Variants in PAFAH1B2 observed in about 807,000 individuals in gnomAD.
PAFAH1B2 encodes the protein platelet activating factor acetylhydrolase 1b catalytic subunit 2, also known as platelet-activating factor acetylhydrolase IB subunit alpha2.
In PAFAH1B2, 8 loss-of-function variants were observed where a neutral mutation model predicts 28.0. The ratio of observed to expected loss-of-function variants is 0.29; its 90% CI spans 0.17 to 0.52. The LOEUF is 0.52. PAFAH1B2 is among the 20% of genes least tolerant of loss of function. The pLI is 0.97. For synonymous variants in PAFAH1B2, 104 were observed against 103.2 expected, an observed-to-expected ratio of 1.01 and a Z score of -0.05; for missense variants, 190 against 282.6, an observed-to-expected ratio of 0.67 and a Z score of 2.35.
Position 117,167,542 on chromosome 11 carries a change from G to A in PAFAH1B2, c.533G>A (p.Gly178Asp), listed in dbSNP as rs1956540153. 3.1e-6 allele frequency: 5 copies of A among 1,613,132 alleles called. No individual in the cohort carries two copies. The highest frequency in any genetic ancestry group is 4.2e-6 in the Non-Finnish European group (5 of 1,179,496). ...GTGCAGCTCCTGGATACCGACGGGGGTTTTGTGCACTCGGACGGTGCCATC... is the reference window on the plus strand; with the variant it reads ...GTGCAGCTCCTGGATACCGACGGGGATTTTGTGCACTCGGACGGTGCCATC... ...ANVQLLDTDG[G>D]FVHSDGAISC... is the part of the protein sequence containing the mutation. Residue 178 changes from glycine (G) to aspartate (D), a missense_variant, in exon 6 of 6, where the codon GGT (glycine) becomes GAT (aspartate). Transcript: ENST00000527958.
chr11:117,160,333 C>T (rs1956346149), intron 3 of PAFAH1B2, among the ~76,000 whole-genome samples: 1 of 151,990 alleles, frequency 6.6e-6, no homozygotes, highest in African/African-American at 2.4e-5. Context: ...TTAGTATTTC[C>T]TATTTGTATT....
intron 2 of PAFAH1B2, among the ~76,000 whole-genome samples, chr11:117,153,933 T>C (rs959311654): frequency 2.0e-5 from 3 of 151,690 alleles, no homozygotes; most frequent in Admixed American, 6.6e-5. Context: ...CTTTTCTTTT[T>C]TTTTTTTTAA....
rs530275241 is a variant in PAFAH1B2 at position 117,161,516 on chromosome 11, T to TG, written c.288+255_288+256insG. Reference sequence around the variant, plus strand: ...CTTTCTTAAGTTGAAGGAAGAGTTTTTTTTTTTTTTGAGATGGAGTCTTGC... The same window carrying TG: ...CTTTCTTAAGTTGAAGGAAGAGTTTTGTTTTTTTTTTGAGATGGAGTCTTGC... On this transcript the variant is annotated intron_variant, in intron 4 of 5. Coordinates refer to ENST00000527958, the MANE Select transcript of PAFAH1B2 (RefSeq NM_002572.4). Among the ~76,000 whole-genome samples the TG allele has an allele frequency of 6.6e-5, 10 of 151,628 alleles. No individual in the cohort carries two copies. In the South Asian group the frequency reaches 1.9e-3, roughly 29 times the overall value.
intron 3 of PAFAH1B2, among the ~76,000 whole-genome samples, chr11:117,160,889 A>C (rs566551588): frequency 6.6e-6 from 1 of 151,894 alleles, no homozygotes; most frequent in Non-Finnish European, 1.5e-5. Context: ...TTGAGTTGAC[A>C]GCTTAATTAT....
At chr11:117,159,144 G>T (rs1314754528) in intron 2 of PAFAH1B2, among the ~76,000 whole-genome samples, 1 of 152,144 alleles carries the variant, frequency 6.6e-6, no homozygotes, top group Admixed American at 6.5e-5. Flanking sequence ...TCAACTTTCT[G>T]TGTATCTACA....
chr11:117,177,939 A>G (rs935086895), downstream of PAFAH1B2, among the ~76,000 whole-genome samples: 5 of 152,126 alleles, frequency 3.3e-5, no homozygotes, highest in Admixed American at 1.3e-4. Context: ...CATTTAACCA[A>G]TCCCTCATTA....
Position 117,161,634 on chromosome 11 carries a change from G to A in PAFAH1B2, c.288+373G>A, listed in dbSNP as rs547292319. Among the ~76,000 whole-genome samples, 85 of 151,082 alleles carry A rather than the reference G, an allele frequency of 5.6e-4. 1 individual carries two copies. The highest frequency in any genetic ancestry group is 1.9e-3 in the African/African-American group (77 of 41,168). ...AGCGATTCTCCTGCCTCAGCCTCCC[G>A]AGTAGCTGGGATTACAGGCGCCGCC... On this transcript the variant is annotated intron_variant, in intron 4 of 5. Coordinates refer to ENST00000527958, the MANE Select transcript of PAFAH1B2 (RefSeq NM_002572.4).
intron 2 of PAFAH1B2, 64 bp from the exon 3 acceptor site, chr11:117,159,870 C>T (rs1277461337): frequency 1.7e-6 from 2 of 1,175,230 alleles, no homozygotes; most frequent in East Asian, 2.3e-5. Context: ...AGAGTTCAAG[C>T]ATGGGCCACC....
chr11:117,172,146 A>T (rs1956662455), downstream of PAFAH1B2, among the ~76,000 whole-genome samples: 1 of 152,058 alleles, frequency 6.6e-6, no homozygotes, highest in Non-Finnish European at 1.5e-5. Flanking sequence ...CAGCATCTGT[A>T]CTTGAGGGGA....
At chr11:117,164,786 A>G (rs10892080) in intron 5 of PAFAH1B2, among the ~76,000 whole-genome samples, 68,515 of 151,258 alleles carry the variant, frequency 0.45, 18,098 homozygotes, top group Non-Finnish European at 0.61. Context: ...CTGTAATCCC[A>G]GCACTTTGGG....
rs55659804 is a variant in PAFAH1B2, at chr11:117,168,446, G to GTTTCTTGTTT, written c.*750_*751insCTTGTTTTTT. 4.9e-6 allele frequency: 1 copy of GTTTCTTGTTT among 205,914 alleles called. No individual in the cohort carries two copies. Among genetic ancestry groups the GTTTCTTGTTT allele is most frequent in the Non-Finnish European group, 5.7e-6 (1 of 175,976 alleles). 12.8% of individuals were successfully genotyped at this position (205,914 alleles called of 1,614,324 possible). On this transcript the variant is annotated 3_prime_UTR_variant, in exon 6 of 6. Coordinates refer to ENST00000527958, the MANE Select transcript of PAFAH1B2 (RefSeq NM_002572.4). ...TCCCCTTCATTCCCCCCGCCACCCC[G>GTTTCTTGTTT]TTTTTTTTTTTTTTTTTTTTTTTTT...
At position 117,159,962 on chromosome 11, in the gene PAFAH1B2, A is replaced by G; in HGVS notation, c.110A>G (p.Asp37Gly). ...QHNRFVLDCKDKEPDVLFVGD... is the reference protein window; with the variant it reads ...QHNRFVLDCKGKEPDVLFVGD... ...AACAGATTTGTTTTGGACTGTAAAG[A>G]CAAAGAGCCTGATGTACTGTTCGTG... Residue 37 changes from aspartate (D) to glycine (G), a missense_variant, in exon 3 of 6, where the codon GAC becomes GGC. Asp to Gly is a moderately conservative substitution (Grantham distance 94, BLOSUM62 -1). Coordinates refer to ENST00000527958, the MANE Select transcript of PAFAH1B2 (RefSeq NM_002572.4). 1 of 1,613,950 alleles carries G rather than the reference A, an allele frequency of 6.2e-7. No homozygotes were observed. The highest frequency in any genetic ancestry group is 8.5e-7 in the Non-Finnish European group (1 of 1,179,880).
At chr11:117,175,874 C>T (rs910508953), downstream of PAFAH1B2, 2 of 1,532,544 alleles carry the variant, frequency 1.3e-6, no homozygotes, top group Non-Finnish European at 1.7e-6. Context: ...CCAGCCTGGG[C>T]AATGTATCAC....
intron 2 of PAFAH1B2, 111 bp downstream of exon 2, chr11:117,152,639 A>G (rs1002202200): frequency 7.2e-5 from 54 of 753,992 alleles, no homozygotes; most frequent in Admixed American, 2.0e-5. Flanking sequence ...GCTGATCTCA[A>G]ACTGCAGGGC....
At chr11:117,173,197 A>T (rs1277595244), downstream of PAFAH1B2, among the ~76,000 whole-genome samples, 3 of 152,314 alleles carry the variant, frequency 2.0e-5, no homozygotes, top group Middle Eastern at 3.4e-3. Context: ...GCCAGAGGGA[A>T]CCAGATGCAG....
chr11:117,166,356 G>A (rs1348640827), intron 5 of PAFAH1B2, among the ~76,000 whole-genome samples: 1 of 152,196 alleles, frequency 6.6e-6, no homozygotes, highest in Non-Finnish European at 1.5e-5. Context: ...TTGTATGAAT[G>A]TTGCTCAATA....
downstream of PAFAH1B2, among the ~76,000 whole-genome samples, chr11:117,174,200 GT>G (rs1956731224): frequency 1.3e-5 from 2 of 148,770 alleles, no homozygotes; most frequent in South Asian, 2.1e-4. Context: ...GTGTGTGTGT[GT>G]GTGTGGCAGT....
chr11:117,168,196 T>C lies in PAFAH1B2; in HGVS notation c.*497T>C, dbSNP rs1245434720. ...GTATACTGAATATTTTATTAACATG[T>C]AGCATCAGGTTGAACATGCTTGTCA... On this transcript the variant is annotated 3_prime_UTR_variant, in exon 6 of 6. Transcript: ENST00000527958. The C allele has an allele frequency of 1.9e-6, 2 of 1,048,134 alleles. No homozygotes were observed. The highest frequency in any genetic ancestry group is 3.3e-5 in the African/African-American group (2 of 60,582). 64.9% of individuals were successfully genotyped at this position (1,048,134 alleles called of 1,614,324 possible).
intron 2 of PAFAH1B2, among the ~76,000 whole-genome samples, chr11:117,157,698 A>G (rs903662609): frequency 3.3e-5 from 5 of 152,216 alleles, no homozygotes; most frequent in African/African-American, 7.2e-5. Flanking sequence ...AGGCTAAGGC[A>G]GGAGGGTCAC....
Sources: gnomAD v4.1 joint callset for allele counts (sites outside exome capture counted in the v4.1 genomes callset) on GRCh38, gnomAD v4.1.1 for gene constraint, MANE v1.5 for transcripts, NCBI Gene and HGNC (gene_info 2026-07-23, HGNC 2026-07-21) for gene names.